Variants in PPFIA2 observed in about 807,000 individuals in gnomAD.
PPFIA2 encodes the protein liprin-alpha-2.
In PPFIA2, 46 loss-of-function variants were observed where a neutral mutation model predicts 175.5. The observed-to-expected ratio is 0.26, with a 90% CI of 0.21 to 0.34. The LOEUF (loss-of-function observed/expected upper bound fraction) is 0.34. Ranked by LOEUF, PPFIA2 falls within the 10% of genes least tolerant of loss-of-function variation. The probability of loss-of-function intolerance (pLI) is 1.00; values close to 1 mark genes in which losing one functional copy is unlikely to be tolerated. For synonymous variants in PPFIA2, 568 were observed against 511.4 expected, an observed-to-expected ratio of 1.11 and a Z score of -1.49; for missense variants, 1,179 against 1,506.1, an observed-to-expected ratio of 0.78 and a Z score of 3.60.
intron 3 of PPFIA2, among the ~76,000 whole-genome samples, chr12:81,705,664 C>G (rs1175620639): frequency 2.0e-5 from 3 of 152,090 alleles, no homozygotes; most frequent in South Asian, 4.2e-4. Flanking sequence ...AAGATTTTCT[C>G]CACACAGAGC....
chr12:81,542,997 T>C (rs1163728183), intron 4 of PPFIA2, among the ~76,000 whole-genome samples: 1 of 152,144 alleles, frequency 6.6e-6, no homozygotes, highest in Admixed American at 6.6e-5. Context: ...TAAAATTTCT[T>C]CCGCCATTTG....
At chr12:81,428,046 TA>T (rs1357488303) in intron 7 of PPFIA2, among the ~76,000 whole-genome samples, 1 of 151,974 alleles carries the variant, frequency 6.6e-6, no homozygotes. Flanking sequence ...AAGCAATAAG[TA>T]ATCTTTCTCA....
intron 4 of PPFIA2, among the ~76,000 whole-genome samples, chr12:81,671,519 T>G (rs984697415): frequency 2.0e-5 from 3 of 151,950 alleles, no homozygotes; most frequent in Non-Finnish European, 4.4e-5. Flanking sequence ...ATAGGTCTCT[T>G]TGCTTTAGTC....
chr12:81,347,735 C>T lies in PPFIA2; in HGVS notation c.2030G>A (p.Arg677His), dbSNP rs373118660. 1.5e-5 allele frequency: 25 copies of T among 1,613,688 alleles called. No individual in the cohort carries two copies. The Admixed American group carries it at 1.8e-4, about 12-fold the overall frequency. Residue 677 changes from arginine (R) to histidine (H), a missense_variant, in exon 18 of 33, where the codon CGT becomes CAT. Arg to His is a conservative substitution (Grantham distance 29). This residue lies in a region of PPFIA2 where 223 missense variants were observed against 241.6 expected (regional missense o/e 0.92). Coordinates refer to ENST00000549396, the MANE Select transcript of PPFIA2 (RefSeq NM_003625.5). Reference protein sequence around the residue: ...IQEEKESTELRAEEIENRVAS... With the variant: ...IQEEKESTELHAEEIENRVAS... ...CACTCTATTTTCAATTTCTTCAGCA[C>T]GCAACTCTGTAGATTCTTTTTCTTC... is the stretch of plus-strand genomic sequence containing the variant.
chr12:81,337,326 A>C (rs1472487926), intron 21 of PPFIA2, among the ~76,000 whole-genome samples: 1 of 152,156 alleles, frequency 6.6e-6, no homozygotes, highest in African/African-American at 2.4e-5. Context: ...AAATAAAGCA[A>C]TATTACTCAG....
At chr12:81,555,406 T>G (rs2068672505) in intron 4 of PPFIA2, among the ~76,000 whole-genome samples, 1 of 152,004 alleles carries the variant, frequency 6.6e-6, no homozygotes, top group Non-Finnish European at 1.5e-5. Flanking sequence ...ACTGATACTC[T>G]TAGTCAAATG....
In PPFIA2 at chr12:81,614,304, A is replaced by G. The variant is rs1184591563; in HGVS notation, c.303+62487T>C. ...CGTGCTCTTCAATGTATGCTTTAGC[A>G]TACATTTTATTTATAACATCTCAGA... is the stretch of plus-strand genomic sequence containing the variant. On this transcript the variant is annotated intron_variant, in intron 4 of 32. Transcript: ENST00000549396. Among the ~76,000 whole-genome samples the G allele has an allele frequency of 2.0e-5, 3 of 152,168 alleles. No homozygotes were observed. In the East Asian group the frequency reaches 5.8e-4, roughly 29 times the overall value.
intron 22 of PPFIA2, among the ~76,000 whole-genome samples, chr12:81,310,964 G>A (rs922500054): frequency 2.0e-5 from 3 of 152,098 alleles, no homozygotes; most frequent in Non-Finnish European, 4.4e-5. Flanking sequence ...ATGTTTAATA[G>A]TTTCCTGGAT....
At chr12:81,267,870 A>G (rs2037788754) in intron 29 of PPFIA2, 42 bp downstream of exon 29, 2 of 1,531,368 alleles carry the variant, frequency 1.3e-6, no homozygotes, top group Non-Finnish European at 1.8e-6. Context: ...TTATCATTAT[A>G]TAAACCAGAA....
At chr12:81,493,369 T>C (rs908292984) in intron 4 of PPFIA2, among the ~76,000 whole-genome samples, 3 of 151,970 alleles carry the variant, frequency 2.0e-5, no homozygotes, top group Admixed American at 2.0e-4. Flanking sequence ...GTTCAGATGC[T>C]GGGAAGACAA....
chr12:81,323,827 T>C (rs193065069), intron 22 of PPFIA2, among the ~76,000 whole-genome samples: 1 of 152,192 alleles, frequency 6.6e-6, no homozygotes, highest in African/African-American at 2.4e-5. Context: ...CAATTATTCA[T>C]ATAAGTCCTT....
At chr12:81,532,422 A>G (rs1278497129) in intron 4 of PPFIA2, among the ~76,000 whole-genome samples, 3 of 151,802 alleles carry the variant, frequency 2.0e-5, no homozygotes, top group Non-Finnish European at 2.9e-5. Flanking sequence ...CATGAGGTCA[A>G]GTAGTCCTTT....
chr12:81,720,829 G>GT (rs1372310203), intron 3 of PPFIA2, among the ~76,000 whole-genome samples: 1 of 150,828 alleles, frequency 6.6e-6, no homozygotes, highest in African/African-American at 2.4e-5. Flanking sequence ...TTTTTTGTTT[G>GT]TTTTTTTGGC....
At chr12:81,698,688 A>G (rs1329384550) in intron 3 of PPFIA2, among the ~76,000 whole-genome samples, 1 of 152,058 alleles carries the variant, frequency 6.6e-6, no homozygotes. Context: ...GCCATTCCCT[A>G]TGCCTGTGGA....
chr12:81,497,417 A>G (rs935776425), intron 4 of PPFIA2, among the ~76,000 whole-genome samples: 2 of 151,916 alleles, frequency 1.3e-5, no homozygotes, highest in Non-Finnish European at 2.9e-5. Context: ...GTTTTCTTAT[A>G]CACTTTTGGT....
intron 14 of PPFIA2, among the ~76,000 whole-genome samples, chr12:81,363,602 T>G (rs527675049): frequency 6.6e-6 from 1 of 151,864 alleles, no homozygotes; most frequent in Non-Finnish European, 1.5e-5. Context: ...CAGTGGCCAG[T>G]GCTTGATATT....
At chr12:81,280,134 G>C (rs2041721954) in intron 27 of PPFIA2, among the ~76,000 whole-genome samples, 1 of 152,044 alleles carries the variant, frequency 6.6e-6, no homozygotes, top group Non-Finnish European at 1.5e-5. Flanking sequence ...TTATGTCACT[G>C]TATGGTAGCA....
chr12:81,452,399 GA>G (rs1346024191), intron 5 of PPFIA2, among the ~76,000 whole-genome samples: 1 of 152,070 alleles, frequency 6.6e-6, no homozygotes, highest in Non-Finnish European at 1.5e-5. Context: ...ATCTGAAAAC[GA>G]AAACCTTTAA....
At chr12:81,342,347 T>C (rs2058259267) in intron 19 of PPFIA2, among the ~76,000 whole-genome samples, 1 of 152,134 alleles carries the variant, frequency 6.6e-6, no homozygotes. Context: ...TTTAGAGTTC[T>C]GATGAAAAAA....
Sources: gnomAD v4.1 joint callset for allele counts (sites outside exome capture counted in the v4.1 genomes callset) on GRCh38, gnomAD v4.1.1 for gene constraint, gnomAD v4.1.1 regional missense constraint, MANE v1.5 for transcripts, NCBI Gene and HGNC (gene_info 2026-07-23, HGNC 2026-07-21) for gene names.